Variants in CKAP5 observed in about 807,000 individuals in gnomAD.
The protein encoded by CKAP5 is cytoskeleton-associated protein 5.
Under a neutral mutation model 232.8 loss-of-function variants are expected in CKAP5, and 27 were observed. That is an observed-to-expected ratio of 0.12 (90% CI 0.09 to 0.16). CKAP5 has a LOEUF of 0.16. CKAP5 is among the 10% of genes least tolerant of loss of function. CKAP5 has a pLI of 1.00. For missense variants in CKAP5, 1,838 were observed against 2,424.7 expected, an observed-to-expected ratio of 0.76 and a Z score of 5.08; for synonymous variants, 785 against 841.1, an observed-to-expected ratio of 0.93 and a Z score of 1.16.
intron 13 of CKAP5, among the ~76,000 whole-genome samples, chr11:46,794,851 A>G (rs1194835115): frequency 6.6e-6 from 1 of 152,134 alleles, no homozygotes; most frequent in African/African-American, 2.4e-5. Flanking sequence ...AATATAGAAA[A>G]TAAAAACAAA....
chr11:46,758,283 C>T (rs1309025233), intron 35 of CKAP5, among the ~76,000 whole-genome samples: 1 of 152,170 alleles, frequency 6.6e-6, no homozygotes, highest in Non-Finnish European at 1.5e-5. Flanking sequence ...ACCACTAGCT[C>T]TTTCCTCTCC....
At position 46,750,615 on chromosome 11, in the gene CKAP5, A is replaced by G. The variant is rs957583523; in HGVS notation, c.5461-4T>C. The G allele has an allele frequency of 6.2e-7, 1 of 1,609,600 alleles. No homozygotes were observed. Among genetic ancestry groups the G allele is most frequent in the Non-Finnish European group, 8.5e-7 (1 of 1,177,172 alleles). On this transcript the variant is annotated splice_polypyrimidine_tract_variant and splice_region_variant and intron_variant, in intron 40 of 43. Coordinates refer to ENST00000529230, the MANE Select transcript of CKAP5 (RefSeq NM_001008938.4). ...TGGCCTTTGATGATTTTTCATCCTG[A>G]AAAGTTGAAAGACATAGGAAGAATT... is the stretch of plus-strand genomic sequence containing the variant.
intron 28 of CKAP5, among the ~76,000 whole-genome samples, chr11:46,764,274 GTTTAA>G (rs2065182547): frequency 6.6e-6 from 1 of 152,264 alleles, no homozygotes; most frequent in Non-Finnish European, 1.5e-5. Context: ...CATTCTAGGA[GTTTAA>G]TATAGATACA....
intron 11 of CKAP5, 81 bp downstream of exon 11, chr11:46,797,724 A>G: frequency 7.3e-7 from 1 of 1,369,248 alleles, no homozygotes; most frequent in Non-Finnish European, 1.0e-6. Context: ...CTGAAAGTCA[A>G]GTAGTCACTG....
intron 42 of CKAP5, among the ~76,000 whole-genome samples, chr11:46,748,977 G>A (rs1323324543): frequency 2.0e-5 from 3 of 151,162 alleles, no homozygotes; most frequent in Admixed American, 6.6e-5. Flanking sequence ...GACTACAGGC[G>A]CACGCCACCA....
intron 42 of CKAP5, 69 bp downstream of exon 42, chr11:46,750,205 C>T: frequency 6.6e-7 from 1 of 1,504,248 alleles, no homozygotes; most frequent in Non-Finnish European, 9.0e-7. Flanking sequence ...TTAAACTAAC[C>T]AAAACTTCAG....
chr11:46,744,291 C>T lies in CKAP5; in HGVS notation c.5857-26G>A, dbSNP rs1399505355. On this transcript the variant is annotated intron_variant, in intron 43 of 43. Transcript: ENST00000529230. ...CTATTGAGAGAAGGAGAGAGATTGT[C>T]TAAGGTCAGGTCAAGCAGGTCAAGA... 4 of 1,613,674 alleles carry T rather than the reference C, an allele frequency of 2.5e-6. No homozygotes were observed. In the African/African-American group the frequency reaches 5.3e-5, roughly 22 times the overall value.
chr11:46,806,013 T>C (rs1401426972), intron 8 of CKAP5, among the ~76,000 whole-genome samples: 1 of 152,230 alleles, frequency 6.6e-6, no homozygotes, highest in East Asian at 1.9e-4. Flanking sequence ...CGTTTCAGGT[T>C]AATTTTTACA....
chr11:46,817,586 T>C (rs1258787749), intron 3 of CKAP5, among the ~76,000 whole-genome samples: 1 of 152,192 alleles, frequency 6.6e-6, no homozygotes, highest in Non-Finnish European at 1.5e-5. Context: ...GTTAACCAAA[T>C]TGTCAAATTA....
At chr11:46,782,555 T>C (rs547055831) in intron 18 of CKAP5, among the ~76,000 whole-genome samples, 6 of 152,308 alleles carry the variant, frequency 3.9e-5, no homozygotes, top group African/African-American at 1.4e-4. Context: ...TTAACAGGCA[T>C]GTTGCAAAAT....
At chr11:46,782,731 T>C (rs542395877) in intron 18 of CKAP5, among the ~76,000 whole-genome samples, 2 of 152,232 alleles carry the variant, frequency 1.3e-5, no homozygotes, top group Non-Finnish European at 2.9e-5. Flanking sequence ...ATAGGGATAA[T>C]ATAATACCTC....
chr11:46,762,032 G>T lies in CKAP5; in HGVS notation c.4189C>A (p.His1397Asn). ...ATCAGTTTGAACACCTGATCCCCATGTACATTGTACACCGTTACAATGGTG... is the reference window on the plus strand; with the variant it reads ...ATCAGTTTGAACACCTGATCCCCATTTACATTGTACACCGTTACAATGGTG... ...LNTIVTVYNV[H>N]GDQVFKLIGN... Residue 1397 changes from histidine (H) to asparagine (N), a missense_variant, in exon 32 of 44, where the codon CAT becomes AAT. By Grantham distance (68) the His-to-Asn change is moderately conservative (BLOSUM62 1). This residue lies in a region of CKAP5 where 579 missense variants were observed against 843.2 expected (regional missense o/e 0.69). Transcript: ENST00000529230. The T allele has an allele frequency of 6.2e-7, 1 of 1,613,904 alleles. No homozygotes were observed. The highest frequency in any genetic ancestry group is 1.1e-5 in the South Asian group (1 of 91,050).
chr11:46,814,569 C>T (rs1939356007), intron 4 of CKAP5, among the ~76,000 whole-genome samples: 1 of 152,192 alleles, frequency 6.6e-6, no homozygotes, highest in African/African-American at 2.4e-5. Flanking sequence ...TTTACTACAG[C>T]TGCTTTCTAA....
chr11:46,790,640 T>A, intron 13 of CKAP5, 57 bp from the exon 14 acceptor site: 2 of 1,209,004 alleles, frequency 1.7e-6, no homozygotes, highest in Non-Finnish European at 1.2e-6. Context: ...AATAGTGGAG[T>A]TTTTTATTTT....
Position 46,748,791 on chromosome 11 carries a change from G to A in CKAP5, c.5704+1483C>T, listed in dbSNP as rs188641531. ...CAAAACAAAACAAAACAAAACAAAA[G>A]TCAATGGATCAGGCTTACGGGATGA... On this transcript the variant is annotated intron_variant, in intron 42 of 43. Coordinates refer to ENST00000529230, the MANE Select transcript of CKAP5 (RefSeq NM_001008938.4). Among the ~76,000 whole-genome samples the A allele has an allele frequency of 3.7e-3, 564 of 151,684 alleles. 1 individual carries two copies. Among genetic ancestry groups the A allele is most frequent in the African/African-American group, 0.013 (529 of 41,448 alleles).
chr11:46,752,890 T>C (rs1157331440), intron 37 of CKAP5, among the ~76,000 whole-genome samples, 180 bp from the exon 38 acceptor site: 1 of 152,248 alleles, frequency 6.6e-6, no homozygotes, highest in Non-Finnish European at 1.5e-5. Flanking sequence ...TTAAGCCTTT[T>C]AAGTCACCAC....
chr11:46,824,851 A>G (rs1939617928), intron 1 of CKAP5, among the ~76,000 whole-genome samples: 1 of 152,226 alleles, frequency 6.6e-6, no homozygotes, highest in Non-Finnish European at 1.5e-5. Flanking sequence ...AACAAAGAGA[A>G]GCATTAAGAA....
Position 46,795,761 on chromosome 11 carries a change from C to T in CKAP5, c.1483G>A (p.Glu495Lys), listed in dbSNP as rs1261320847. The change falls in exon 13 of 44, where the codon GAA becomes AAA. Residue 495 changes from glutamate to lysine, a missense_variant. Physicochemically the swap from Glu to Lys is moderately conservative, Grantham distance 56 (BLOSUM62 1). This residue lies in a region of CKAP5 where 767 missense variants were observed against 954.6 expected (regional missense o/e 0.80). Transcript: ENST00000529230. ...TTACCATGTATCAGTTCTACCTTTT[C>T]TGAACATTCTTTGATCTGGAGAATG... The part of the protein sequence containing the change: ...LKLDKIKECS[E>K]KVELIHGKKA... 2 of 1,613,272 alleles carry T rather than the reference C, an allele frequency of 1.2e-6. No homozygotes were observed. The highest frequency in any genetic ancestry group is 2.2e-5 in the South Asian group (2 of 91,010).
intron 1 of CKAP5, among the ~76,000 whole-genome samples, chr11:46,845,789 GC>G (rs1340678151): frequency 6.6e-6 from 1 of 152,206 alleles, no homozygotes; most frequent in African/African-American, 2.4e-5. Flanking sequence ...GGGCGACAAG[GC>G]CCTTCGCAAC....
Sources: gnomAD v4.1 joint callset for allele counts (sites outside exome capture counted in the v4.1 genomes callset) on GRCh38, gnomAD v4.1.1 for gene constraint, gnomAD v4.1.1 regional missense constraint, MANE v1.5 for transcripts, NCBI Gene and HGNC (gene_info 2026-07-23, HGNC 2026-07-21) for gene names.